The following KCNIP4 variants were observed in gnomAD, a reference collection of about 807,000 sequenced individuals.
KCNIP4 encodes potassium voltage-gated channel interacting protein 4, also known as Kv channel-interacting protein 4.
In KCNIP4, 12 loss-of-function variants were observed where a neutral mutation model predicts 34.0. The ratio of observed to expected loss-of-function variants is 0.35; its 90% confidence interval spans 0.23 to 0.57. The LOEUF (loss-of-function observed/expected upper bound fraction) is 0.57. KCNIP4 is among the 20% of genes least tolerant of loss of function. The pLI is 0.83. For missense variants in KCNIP4, 238 were observed against 311.7 expected (o/e 0.76, Z 1.78); for synonymous variants, 124 against 102.2 (o/e 1.21, Z -1.29).
intron 1 of KCNIP4, among the ~76,000 whole-genome samples, chr4:20,922,284 T>G (rs1729459413): frequency 6.6e-6 from 1 of 152,200 alleles, no homozygotes; most frequent in African/African-American, 2.4e-5. Context: ...TCACCCTCAC[T>G]AATGTGAGTG....
At chr4:20,901,976 C>T (rs1453288316) in intron 1 of KCNIP4, among the ~76,000 whole-genome samples, 1 of 151,810 alleles carries the variant, frequency 6.6e-6, no homozygotes, top group Non-Finnish European at 1.5e-5. Flanking sequence ...TCATAGAGAC[C>T]TGCTTTGTGT....
At chr4:21,401,881 T>C (rs1037171666) in intron 1 of KCNIP4, among the ~76,000 whole-genome samples, 2 of 152,216 alleles carry the variant, frequency 1.3e-5, no homozygotes, top group Admixed American at 6.5e-5. Context: ...CAGGTCTATA[T>C]TTTCCAAAAG....
chr4:20,904,331 G>GTATATATATA (rs775475074), intron 1 of KCNIP4, among the ~76,000 whole-genome samples: 2 of 143,652 alleles, frequency 1.4e-5, no homozygotes, highest in Non-Finnish European at 3.0e-5. Context: ...GTGTGTGTGT[G>GTATATATATA]TATATATATA....
intron 1 of KCNIP4, among the ~76,000 whole-genome samples, chr4:21,709,567 A>T (rs1207079897): frequency 6.6e-6 from 1 of 152,216 alleles, no homozygotes; most frequent in African/African-American, 2.4e-5. Flanking sequence ...TATCATAAAC[A>T]GATACTAGTT....
At chr4:20,879,143 T>A (rs1035430801) in intron 2 of KCNIP4, among the ~76,000 whole-genome samples, 2 of 152,072 alleles carry the variant, frequency 1.3e-5, no homozygotes, top group African/African-American at 4.8e-5. Context: ...GCCTAGGGGA[T>A]CGTGGGATGG....
intron 1 of KCNIP4, among the ~76,000 whole-genome samples, chr4:21,023,478 A>T (rs1459303612): frequency 6.6e-6 from 1 of 152,202 alleles, no homozygotes; most frequent in African/African-American, 2.4e-5. Flanking sequence ...CTTAATAATC[A>T]AAAGAAAGAT....
intron 3 of KCNIP4, among the ~76,000 whole-genome samples, chr4:20,844,575 AGAGCAAT>A (rs1720140437): frequency 6.6e-6 from 1 of 152,196 alleles, no homozygotes; most frequent in South Asian, 2.1e-4. Context: ...TTGTGACAAA[AGAGCAAT>A]TGCCTTATGC....
intron 1 of KCNIP4, chr4:20,916,463 A>T (rs929482280): frequency 2.3e-6 from 1 of 439,182 alleles, no homozygotes; most frequent in African/African-American, 2.2e-5. Flanking sequence ...TAGGAGAAAA[A>T]ATAGTACCAT....
chr4:21,823,159 T>G (rs551581324), intron 1 of KCNIP4, among the ~76,000 whole-genome samples: 5 of 152,122 alleles, frequency 3.3e-5, no homozygotes, highest in Admixed American at 3.3e-4. Context: ...CTTCTTTCTT[T>G]TCTGAAATTC....
At chr4:20,848,135 T>C (rs1578765357) in intron 3 of KCNIP4, among the ~76,000 whole-genome samples, 1 of 152,124 alleles carries the variant, frequency 6.6e-6, no homozygotes, top group Non-Finnish European at 1.5e-5. Flanking sequence ...GAGATGTCGA[T>C]TAATATTTTC....
chr4:20,850,852 G>A, intron 2 of KCNIP4, 185 bp from the exon 3 acceptor site: 1 of 504,822 alleles, frequency 2.0e-6, no homozygotes, highest in South Asian at 6.3e-5. Context: ...TAAAACACTT[G>A]TATATGATTT....
chr4:21,284,926 G>T (rs1479315762), intron 1 of KCNIP4, among the ~76,000 whole-genome samples: 2 of 152,156 alleles, frequency 1.3e-5, no homozygotes, highest in Admixed American at 1.3e-4. Context: ...TGCTACAGCT[G>T]TTGGCCCAAA....
At chr4:20,837,682 A>AT (rs575948773) in intron 3 of KCNIP4, among the ~76,000 whole-genome samples, 21,586 of 108,910 alleles carry the variant, frequency 0.2, 2,106 homozygotes, top group South Asian at 0.3. Flanking sequence ...ATATATATAT[A>AT]TATATTTTTT....
At chr4:21,911,042 T>C (rs1728278300) in intron 1 of KCNIP4, among the ~76,000 whole-genome samples, 1 of 152,124 alleles carries the variant, frequency 6.6e-6, no homozygotes, top group Non-Finnish European at 1.5e-5. Flanking sequence ...TTTTTTTTTC[T>C]AGTGCATACA....
intron 1 of KCNIP4, among the ~76,000 whole-genome samples, chr4:21,080,270 C>T (rs1745891333): frequency 6.6e-6 from 1 of 151,828 alleles, no homozygotes. Context: ...ATTATCATGA[C>T]ACCATCCTTA....
chr4:21,408,770 C>T (rs189880312), intron 1 of KCNIP4, among the ~76,000 whole-genome samples: 160 of 152,296 alleles, frequency 1.1e-3, no homozygotes, highest in African/African-American at 3.5e-3. Context: ...GTGTGATTCT[C>T]GTTACAGTGA....
rs777105061 is a variant in KCNIP4, at chr4:20,910,259, G to T, written c.62-27550C>A. Among the ~76,000 whole-genome samples the T allele has an allele frequency of 4.6e-5, 7 of 151,718 alleles. 1 individual carries two copies. Among genetic ancestry groups the T allele is most frequent in the Non-Finnish European group, 1.5e-5 (1 of 67,966 alleles). ...TTTTTTAAAGAGGGAAGGAATTTTT[G>T]TGTGTGATTATTTGTGTGTCTGTAT... On this transcript the variant is annotated intron_variant, in intron 1 of 8. Transcript: ENST00000382152.
intron 1 of KCNIP4, among the ~76,000 whole-genome samples, chr4:20,900,318 C>A (rs757289859): frequency 6.6e-6 from 1 of 152,032 alleles, no homozygotes; most frequent in Non-Finnish European, 1.5e-5. Flanking sequence ...GAAATGAAAC[C>A]CGGGGATGAT....
At chr4:20,828,800 G>A (rs577541052) in intron 3 of KCNIP4, among the ~76,000 whole-genome samples, 80 of 152,274 alleles carry the variant, frequency 5.3e-4, no homozygotes, top group Non-Finnish European at 9.3e-4. Context: ...ACACATAAAA[G>A]ATTTTTGATG....
Sources: allele counts gnomAD v4.1 joint callset (sites outside exome capture counted in the v4.1 genomes callset), GRCh38; gene constraint gnomAD v4.1.1; transcripts MANE v1.5; gene names NCBI Gene and HGNC (gene_info 2026-07-23, HGNC 2026-07-21).